VWA8: variants seen among roughly 807,000 people sequenced by gnomAD.
The protein encoded by VWA8 is von Willebrand factor A domain-containing protein 8.
VWA8 carries 221 observed loss-of-function variants against 241.5 expected under a neutral mutation model. That is an observed-to-expected ratio of 0.91 (90% CI 0.82 to 1.02). The LOEUF (loss-of-function observed/expected upper bound fraction) is 1.02, where lower values mean the gene tolerates loss of function less well. Among genes scored for constraint, VWA8 ranks in the 50% least tolerant of loss-of-function variants. VWA8 has a pLI of 0.00. For synonymous variants in VWA8, 852 were observed against 827.1 expected, an observed-to-expected ratio of 1.03 and a Z score of -0.52; for missense variants, 2,322 against 2,328.7, an observed-to-expected ratio of 1.00 and a Z score of 0.06.
At chr13:41,935,521 T>C (rs1471656678) in intron 2 of VWA8, among the ~76,000 whole-genome samples, 2 of 152,126 alleles carry the variant, frequency 1.3e-5, no homozygotes, top group Non-Finnish European at 2.9e-5. Flanking sequence ...AAAAGTTGCA[T>C]TTAAACATGA....
At chr13:41,577,487 G>A (rs1023243) in intron 42 of VWA8, among the ~76,000 whole-genome samples, 85,732 of 152,024 alleles carry the variant, frequency 0.56, 24,331 homozygotes, top group African/African-American at 0.64. Flanking sequence ...TTCTGGCTTC[G>A]GCATAGGCTT....
At chr13:41,886,689 G>A (rs895978640) in intron 7 of VWA8, 92 bp downstream of exon 7, 1 of 1,062,492 alleles carries the variant, frequency 9.4e-7, no homozygotes. Context: ...AATTCTAGTT[G>A]TTGAATGACT....
At chr13:41,706,336 A>G (rs950193949) in intron 26 of VWA8, among the ~76,000 whole-genome samples, 9 of 152,180 alleles carry the variant, frequency 5.9e-5, no homozygotes, top group Non-Finnish European at 1.0e-4. Flanking sequence ...TACAGAATCT[A>G]TTTCAGAACC....
At position 41,753,518 on chromosome 13, in the gene VWA8, T is replaced by C. The variant is rs373768864; in HGVS notation, c.2426+7610A>G. On this transcript the variant is annotated intron_variant, in intron 21 of 44. Coordinates refer to ENST00000379310, the MANE Select transcript of VWA8 (RefSeq NM_015058.2). ...CAAATGGGAGCCATATATTCTCTTC[T>C]GTTTTAAATGTATACTTTCAAAAGT... Among the ~76,000 whole-genome samples the C allele has an allele frequency of 5.9e-5, 9 of 152,206 alleles. No individual in the cohort carries two copies. The East Asian group carries it at 1.3e-3, about 23-fold the overall frequency.
intron 35 of VWA8, among the ~76,000 whole-genome samples, chr13:41,682,414 GAACTATAA>G (rs2045106913): frequency 6.6e-6 from 1 of 152,014 alleles, no homozygotes; most frequent in Non-Finnish European, 1.5e-5. Flanking sequence ...GTAAAATATA[GAACTATAA>G]AACTTCTAGA....
chr13:41,705,195 A>G (rs2045275058), intron 26 of VWA8, among the ~76,000 whole-genome samples: 1 of 151,924 alleles, frequency 6.6e-6, no homozygotes, highest in Non-Finnish European at 1.5e-5. Flanking sequence ...ACACTTTTGA[A>G]TCTATCATCT....
At chr13:41,828,802 T>A (rs1478374162) in intron 14 of VWA8, among the ~76,000 whole-genome samples, 1 of 151,622 alleles carries the variant, frequency 6.6e-6, no homozygotes, top group Non-Finnish European at 1.5e-5. Flanking sequence ...CTTAAGGAAA[T>A]TAGTAATTCA....
chr13:41,869,631 CAAAAAAAAAA>C (rs532296102), intron 9 of VWA8, among the ~76,000 whole-genome samples: 13 of 40,300 alleles, frequency 3.2e-4, no homozygotes, highest in Admixed American at 9.4e-4. Flanking sequence ...AACTTTGTCT[CAAAAAAAAAA>C]AAAAAAAAAA....
chr13:41,714,528 G>A (rs1376430508), intron 26 of VWA8, among the ~76,000 whole-genome samples: 1 of 151,912 alleles, frequency 6.6e-6, no homozygotes, highest in African/African-American at 2.4e-5. Context: ...CAATCTTTGA[G>A]AAGTCTATAA....
chr13:41,723,536 G>A (rs1000248417), intron 24 of VWA8, among the ~76,000 whole-genome samples: 4 of 152,142 alleles, frequency 2.6e-5, no homozygotes, highest in African/African-American at 9.7e-5. Context: ...AAGAGACGAT[G>A]GTGGCTCAGA....
chr13:41,676,918 C>T (rs960513631), intron 35 of VWA8, among the ~76,000 whole-genome samples: 3 of 152,030 alleles, frequency 2.0e-5, no homozygotes, highest in Admixed American at 6.5e-5. Flanking sequence ...CAGGTGTGAG[C>T]CACCACCCCC....
At chr13:41,578,408 G>A (rs538809458) in intron 42 of VWA8, among the ~76,000 whole-genome samples, 1 of 152,014 alleles carries the variant, frequency 6.6e-6, no homozygotes, top group East Asian at 1.9e-4. Flanking sequence ...CCATTCCCTG[G>A]CGTTACTGCA....
chr13:41,723,927 C>T (rs1035961755), intron 24 of VWA8, among the ~76,000 whole-genome samples: 2 of 152,080 alleles, frequency 1.3e-5, no homozygotes. Flanking sequence ...GGTAAGAGAA[C>T]CAGGGCCTGA....
chr13:41,879,973 T>G (rs963045814), intron 9 of VWA8, among the ~76,000 whole-genome samples: 1 of 152,228 alleles, frequency 6.6e-6, no homozygotes, highest in Non-Finnish European at 1.5e-5. Context: ...GAATTAATTT[T>G]GGTGAGCCAA....
chr13:41,816,542 G>A (rs781494403), intron 16 of VWA8, among the ~76,000 whole-genome samples, 156 bp downstream of exon 16: 32 of 152,100 alleles, frequency 2.1e-4, no homozygotes, highest in Middle Eastern at 6.8e-3. Context: ...CACTGAAATC[G>A]GAGTAAACCA....
chr13:41,772,672 A>G (rs191678403), intron 20 of VWA8, among the ~76,000 whole-genome samples: 318 of 152,316 alleles, frequency 2.1e-3, no homozygotes, highest in Middle Eastern at 6.8e-3. Flanking sequence ...TGGAAAGACT[A>G]TGTGCTGTGT....
At chr13:41,806,871 C>G (rs931414837) in intron 17 of VWA8, among the ~76,000 whole-genome samples, 7 of 140,672 alleles carry the variant, frequency 5.0e-5, no homozygotes, top group African/African-American at 1.9e-4. Context: ...AGTGAGACTC[C>G]ATCTCAAAAA....
At position 41,833,435 on chromosome 13, in the gene VWA8, CT is replaced by C. The variant is rs1472335048; in HGVS notation, c.1521del (p.Gly508AlafsTer12). 6.2e-7 allele frequency: 1 copy of C among 1,613,938 alleles called. No homozygotes were observed. Among genetic ancestry groups the C allele is most frequent in the East Asian group, 2.2e-5 (1 of 44,884 alleles). ...RSSPLVNAAL[E>X]GKLVLLDGIH... ...ATGCCATCCAGCAGGACCAGCTTGC[CT>C]TCCAGAGCAGCATTCACAAGGGGTG... On this transcript the variant is annotated frameshift_variant, in exon 13 of 45. Transcript: ENST00000379310. LOFTEE classifies it high-confidence loss of function.
chr13:41,707,738 T>C (rs963691241), intron 26 of VWA8, among the ~76,000 whole-genome samples: 2 of 152,202 alleles, frequency 1.3e-5, no homozygotes, highest in African/African-American at 2.4e-5. Context: ...TTCCTGAATA[T>C]GCTATGCATT....
Sources: allele counts gnomAD v4.1 joint callset (sites outside exome capture counted in the v4.1 genomes callset), GRCh38; gene constraint gnomAD v4.1.1; transcripts MANE v1.5; gene names NCBI Gene and HGNC (gene_info 2026-07-23, HGNC 2026-07-21).